Variants in NCKAP5 observed in about 807,000 individuals in gnomAD.
NCKAP5 encodes NCK associated protein 5, also known as nck-associated protein 5.
NCKAP5 carries 92 observed loss-of-function variants against 167.0 expected under a neutral mutation model. That is an observed-to-expected ratio of 0.55 (90% CI 0.47 to 0.66). NCKAP5 has a LOEUF of 0.66. NCKAP5 is among the 30% of genes least tolerant of loss of function. NCKAP5 has a pLI of 0.00. For missense variants in NCKAP5, 2,378 were observed against 2,315.0 expected (o/e 1.03, Z -0.56); for synonymous variants, 891 against 877.4 (o/e 1.02, Z -0.27).
chr2:132,857,366 T>C (rs968294708), intron 11 of NCKAP5, among the ~76,000 whole-genome samples: 1 of 152,200 alleles, frequency 6.6e-6, no homozygotes, highest in Non-Finnish European at 1.5e-5. Flanking sequence ...TTTAATGTGA[T>C]CACAAATACT....
chr2:132,949,015 A>AAAAGC, intron 8 of NCKAP5, among the ~76,000 whole-genome samples: 1 of 138,268 alleles, frequency 7.2e-6, no homozygotes, highest in Non-Finnish European at 1.5e-5. Context: ...AAAAGAAAAG[A>AAAAGC]AAAGAAAAGA....
the NCKAP5 span, among the ~76,000 whole-genome samples, chr2:133,631,566 G>C: frequency 2.0e-5 from 3 of 152,036 alleles, no homozygotes; most frequent in Non-Finnish European, 4.4e-5. Context: ...TGAGTTTTTT[G>C]CAAAAGGTGT....
At chr2:133,505,568 A>C (rs1161284795) in intron 3 of NCKAP5, among the ~76,000 whole-genome samples, 2 of 152,108 alleles carry the variant, frequency 1.3e-5, no homozygotes, top group East Asian at 1.9e-4. Context: ...AAATTCACTC[A>C]ACAACCCTTT....
chr2:133,580,097 G>T, the NCKAP5 span, among the ~76,000 whole-genome samples: 1 of 152,128 alleles, frequency 6.6e-6, no homozygotes, highest in East Asian at 1.9e-4. Flanking sequence ...GCCATAGATT[G>T]TTCCCCAATA....
intron 3 of NCKAP5, among the ~76,000 whole-genome samples, chr2:133,434,593 G>C (rs1690356455): frequency 6.6e-6 from 1 of 152,188 alleles, no homozygotes; most frequent in Non-Finnish European, 1.5e-5. Flanking sequence ...TAAAAATGAA[G>C]TGAGTTAAAT....
the NCKAP5 span, among the ~76,000 whole-genome samples, chr2:133,619,184 T>G: frequency 7.4e-6 from 1 of 134,646 alleles, no homozygotes; most frequent in East Asian, 2.3e-4. Context: ...AGGGATAGCA[T>G]TGGGAGATAT....
At chr2:133,082,130 T>A (rs1170227028) in intron 6 of NCKAP5, among the ~76,000 whole-genome samples, 1 of 152,124 alleles carries the variant, frequency 6.6e-6, no homozygotes, top group South Asian at 2.1e-4. Context: ...AGTGAGAGCA[T>A]GTGGTGTTTG....
intron 6 of NCKAP5, among the ~76,000 whole-genome samples, chr2:133,100,401 T>C (rs1343495489): frequency 5.3e-5 from 8 of 152,218 alleles, no homozygotes; most frequent in African/African-American, 1.2e-4. Flanking sequence ...TAATCATATG[T>C]AGTTGGGCCA....
chr2:133,114,474 T>G (rs1325365587), intron 6 of NCKAP5, among the ~76,000 whole-genome samples: 1 of 152,234 alleles, frequency 6.6e-6, no homozygotes, highest in Non-Finnish European at 1.5e-5. Flanking sequence ...CTTTTAAATA[T>G]GTCTTTTAAA....
At chr2:133,673,169 G>A in the NCKAP5 span, among the ~76,000 whole-genome samples, 10 of 152,234 alleles carry the variant, frequency 6.6e-5, no homozygotes, top group East Asian at 1.7e-3. Context: ...TCAATCACAG[G>A]TTCATATAGT....
At chr2:133,202,868 A>G (rs1384814579) in intron 5 of NCKAP5, among the ~76,000 whole-genome samples, 1 of 152,152 alleles carries the variant, frequency 6.6e-6, no homozygotes, top group East Asian at 1.9e-4. Flanking sequence ...TAGAATGGTG[A>G]TCATTAAAAA....
chr2:133,461,581 C>T (rs548855507), intron 3 of NCKAP5, among the ~76,000 whole-genome samples: 292 of 152,286 alleles, frequency 1.9e-3, no homozygotes, highest in Non-Finnish European at 2.3e-3. Flanking sequence ...GCTCCACCAT[C>T]CCCTAGGACA....
chr2:132,821,617 C>A (rs906373179), intron 11 of NCKAP5, among the ~76,000 whole-genome samples: 16 of 152,150 alleles, frequency 1.1e-4, no homozygotes, highest in African/African-American at 3.6e-4. Flanking sequence ...AGTGGACAGA[C>A]AGGAAGGGGA....
intron 16 of NCKAP5, among the ~76,000 whole-genome samples, chr2:132,735,178 T>G (rs554353185): frequency 1.3e-5 from 2 of 152,266 alleles, no homozygotes; most frequent in East Asian, 1.9e-4. Flanking sequence ...CTCGCCAGGA[T>G]TTTTTTTAGA....
intron 4 of NCKAP5, among the ~76,000 whole-genome samples, chr2:133,260,743 A>G (rs773138951): frequency 1.7e-4 from 26 of 152,236 alleles, no homozygotes; most frequent in Non-Finnish European, 3.2e-4. Context: ...TAAAAAAGTG[A>G]CTAAGAGGAA....
Position 132,783,210 on chromosome 2 carries a change from T to C in NCKAP5, c.3601A>G (p.Ile1201Val), listed in dbSNP as rs1488935501. 1 of 1,613,884 alleles carries C rather than the reference T, an allele frequency of 6.2e-7. No individual in the cohort carries two copies. The highest frequency in any genetic ancestry group is 1.3e-5 in the African/African-American group (1 of 74,918). Residue 1201 changes from isoleucine (I) to valine (V), a missense_variant, in exon 14 of 20, where the codon ATC becomes GTC. Coordinates refer to ENST00000409261, the MANE Select transcript of NCKAP5 (RefSeq NM_207363.3). The part of the protein sequence containing the change: ...EDSKNPASME[I>V]TAGERNVTLP... ...GTCACATTTCTTTCACCCGCTGTGA[T>C]CTCCATGCTTGCTGGATTCTTGGAG...
At chr2:132,712,422 G>T (rs188002640) in intron 19 of NCKAP5, among the ~76,000 whole-genome samples, 9 of 152,204 alleles carry the variant, frequency 5.9e-5, no homozygotes, top group Admixed American at 3.9e-4. Flanking sequence ...GAGGCCAAGG[G>T]GGGCGGATCA....
the NCKAP5 span, among the ~76,000 whole-genome samples, chr2:133,633,762 CAA>C: frequency 6.6e-6 from 1 of 152,130 alleles, no homozygotes; most frequent in Non-Finnish European, 1.5e-5. Context: ...GATTTGAACC[CAA>C]GTTAGCTGGA....
the NCKAP5 span, among the ~76,000 whole-genome samples, chr2:133,620,346 G>A: frequency 2.6e-5 from 4 of 151,832 alleles, no homozygotes; most frequent in Admixed American, 6.6e-5. Context: ...AGAATAATAC[G>A]TCAACCAAGT....
Sources: allele counts gnomAD v4.1 joint callset (sites outside exome capture counted in the v4.1 genomes callset), GRCh38; gene constraint gnomAD v4.1.1; transcripts MANE v1.5; gene names NCBI Gene and HGNC (gene_info 2026-07-23, HGNC 2026-07-21).